The following UNC5C variants were observed in gnomAD, a reference collection of about 807,000 sequenced individuals.
The protein encoded by UNC5C is unc-5 netrin receptor C.
A neutral mutation model predicts 99.8 loss-of-function variants in UNC5C; 47 were observed. The observed-to-expected ratio is 0.47, with a 90% confidence interval of 0.37 to 0.60. UNC5C has a LOEUF of 0.60. Ranked by LOEUF, UNC5C falls within the 20% of genes least tolerant of loss-of-function variation. The pLI is 0.00. For synonymous variants in UNC5C, 487 were observed against 452.2 expected (o/e 1.08, Z -0.98); for missense variants, 1,062 against 1,165.9 (o/e 0.91, Z 1.30).
intron 1 of UNC5C, among the ~76,000 whole-genome samples, chr4:95,440,878 G>A (rs1746930308): frequency 6.6e-6 from 1 of 152,112 alleles, no homozygotes; most frequent in Non-Finnish European, 1.5e-5. Flanking sequence ...CATCTTCAAT[G>A]TACTTTACAA....
At chr4:95,532,924 G>A (rs1302462206) in intron 1 of UNC5C, among the ~76,000 whole-genome samples, 1 of 139,466 alleles carries the variant, frequency 7.2e-6, no homozygotes. Context: ...AAAAAAAAAG[G>A]TTTTAAGAAA....
intron 7 of UNC5C, among the ~76,000 whole-genome samples, chr4:95,225,968 A>G (rs1579246971): frequency 6.6e-6 from 1 of 152,216 alleles, no homozygotes; most frequent in African/African-American, 2.4e-5. Context: ...ACACAGAATC[A>G]CTTTCTGGAG....
chr4:95,259,837 T>C (rs533211686), intron 4 of UNC5C, among the ~76,000 whole-genome samples: 2 of 152,188 alleles, frequency 1.3e-5, no homozygotes, highest in Non-Finnish European at 2.9e-5. Context: ...ATTACTATTA[T>C]TTTTACCTAG....
intron 1 of UNC5C, among the ~76,000 whole-genome samples, chr4:95,430,193 C>T (rs1023905031): frequency 6.6e-6 from 1 of 151,968 alleles, no homozygotes; most frequent in Non-Finnish European, 1.5e-5. Flanking sequence ...GTAGGTTCAT[C>T]AACTGTAAGA....
intron 3 of UNC5C, among the ~76,000 whole-genome samples, chr4:95,280,671 A>G (rs76281934): frequency 0.013 from 1,814 of 140,936 alleles, 103 homozygotes; most frequent in Admixed American, 0.1. Context: ...CCTGGGTGAA[A>G]GAGTGAGACC....
intron 1 of UNC5C, among the ~76,000 whole-genome samples, chr4:95,486,685 T>G (rs1721338339): frequency 6.6e-6 from 1 of 151,688 alleles, no homozygotes; most frequent in East Asian, 2.0e-4. Context: ...ATGTTTTAAA[T>G]GTATTTCTTC....
chr4:95,189,168 G>GA (rs1736963583), intron 12 of UNC5C, among the ~76,000 whole-genome samples: 1 of 152,156 alleles, frequency 6.6e-6, no homozygotes, highest in Admixed American at 6.5e-5. Context: ...TTCCTACTGG[G>GA]AGTTCCCCCA....
At chr4:95,294,817 CGCTGAGCATTT>C (rs1741614433) in intron 3 of UNC5C, among the ~76,000 whole-genome samples, 1 of 152,150 alleles carries the variant, frequency 6.6e-6, no homozygotes, top group South Asian at 2.1e-4. Flanking sequence ...TATTATCATT[CGCTGAGCATTT>C]GCACTGTGTC....
Position 95,185,198 on chromosome 4 carries a change from T to C in UNC5C, c.2137-2A>G. 6.2e-7 allele frequency: 1 copy of C among 1,605,408 alleles called. No homozygotes were observed. The highest frequency in any genetic ancestry group is 1.3e-5 in the African/African-American group (1 of 74,498). ...CTGTCTCTCAAGATGTAAAATTTCC[T>C]ATAATGACATGCCCCAAACCCAAAG... On this transcript the variant is annotated splice_acceptor_variant, in intron 12 of 15. Coordinates refer to ENST00000453304, the MANE Select transcript of UNC5C (RefSeq NM_003728.4). LOFTEE classifies it high-confidence loss of function.
chr4:95,477,538 A>G (rs954816830), intron 1 of UNC5C, among the ~76,000 whole-genome samples: 1 of 151,998 alleles, frequency 6.6e-6, no homozygotes, highest in African/African-American at 2.4e-5. Flanking sequence ...AATTTTTCCT[A>G]CATGAGATGG....
intron 1 of UNC5C, among the ~76,000 whole-genome samples, chr4:95,399,694 G>T (rs1268828734): frequency 6.6e-6 from 1 of 152,076 alleles, no homozygotes; most frequent in Admixed American, 6.5e-5. Flanking sequence ...CATTCTTTAG[G>T]TAGTCAAATG....
chr4:95,543,732 T>C (rs1038447046), intron 1 of UNC5C, among the ~76,000 whole-genome samples: 1 of 152,202 alleles, frequency 6.6e-6, no homozygotes, highest in Admixed American at 6.5e-5. Flanking sequence ...CAGTATCCCT[T>C]GAGAAAATAG....
chr4:95,246,401 A>T (rs183532611), intron 5 of UNC5C, among the ~76,000 whole-genome samples: 1,920 of 148,480 alleles, frequency 0.013, 37 homozygotes, highest in African/African-American at 0.039. Context: ...CACAAAAATT[A>T]AAAAAAAAAA....
At chr4:95,271,127 C>T (rs1212964747) in intron 4 of UNC5C, among the ~76,000 whole-genome samples, 2 of 152,328 alleles carry the variant, frequency 1.3e-5, no homozygotes, top group Admixed American at 6.5e-5. Flanking sequence ...TTTTGAAAAC[C>T]CTCCTGCTCT....
At chr4:95,494,696 C>T (rs1389248003) in intron 1 of UNC5C, among the ~76,000 whole-genome samples, 1 of 151,388 alleles carries the variant, frequency 6.6e-6, no homozygotes, top group Non-Finnish European at 1.5e-5. Context: ...ACTTATTAAA[C>T]TAAATCTTAG....
intron 1 of UNC5C, among the ~76,000 whole-genome samples, chr4:95,535,031 T>A (rs2149493959): frequency 6.6e-6 from 1 of 152,298 alleles, no homozygotes; most frequent in East Asian, 1.9e-4. Flanking sequence ...TCTTTACGAA[T>A]ACAGCAAATG....
In UNC5C at chr4:95,206,723, G is replaced by A. The variant is rs139568380; in HGVS notation, c.1807C>T (p.Arg603Cys). The change falls in exon 11 of 16, where the codon CGC (arginine) becomes TGC (cysteine). Residue 603 changes from arginine to cysteine, a missense_variant. Physicochemically the swap from Arg to Cys is radical, Grantham distance 180. Coordinates refer to ENST00000453304, the MANE Select transcript of UNC5C (RefSeq NM_003728.4). The stretch of plus-strand genomic sequence containing the variant: ...TGATGCATAGTGAGGACGACTGGGC[G>A]GGTGAGCAGAGCTCCTGGGGGCCCA... Reference protein sequence around the residue: ...SCGPPGALLTRPVVLTMHHCA... With the variant: ...SCGPPGALLTCPVVLTMHHCA... 2,558 of 1,613,950 alleles carry A rather than the reference G, an allele frequency of 1.6e-3. 3 individuals carry two copies. The highest frequency in any genetic ancestry group is 2.0e-3 in the Non-Finnish European group (2,396 of 1,179,968).
At chr4:95,468,660 C>T (rs536460389) in intron 1 of UNC5C, among the ~76,000 whole-genome samples, 1 of 152,222 alleles carries the variant, frequency 6.6e-6, no homozygotes, top group African/African-American at 2.4e-5. Context: ...AATGTTCTCT[C>T]TATGGAGGTT....
intron 1 of UNC5C, among the ~76,000 whole-genome samples, chr4:95,516,057 G>A (rs989115302): frequency 3.9e-5 from 6 of 152,076 alleles, no homozygotes; most frequent in Non-Finnish European, 8.8e-5. Context: ...AACTGTAACT[G>A]TACATGCTTT....
Sources: allele counts gnomAD v4.1 joint callset (sites outside exome capture counted in the v4.1 genomes callset), GRCh38; gene constraint gnomAD v4.1.1; transcripts MANE v1.5; gene names NCBI Gene and HGNC (gene_info 2026-07-23, HGNC 2026-07-21).